The following KIFC3 variants were observed in gnomAD, a reference collection of about 807,000 sequenced individuals.
KIFC3 encodes kinesin-like protein KIFC3.
In KIFC3, 60 loss-of-function variants were observed where a neutral mutation model predicts 101.8. The ratio of observed to expected loss-of-function variants is 0.59; its 90% confidence interval spans 0.48 to 0.73. The LOEUF (loss-of-function observed/expected upper bound fraction) is 0.73, where lower values mean the gene tolerates loss of function less well. Ranked by LOEUF, KIFC3 falls within the 30% of genes least tolerant of loss-of-function variation. The pLI, the probability that KIFC3 is intolerant of heterozygous loss-of-function variation, is 0.00. For synonymous variants in KIFC3, 476 were observed against 482.7 expected (o/e 0.99, Z 0.18); for missense variants, 966 against 1,137.1 (o/e 0.85, Z 2.16).
chr16:57,810,144 G>C (rs1353606001), intron 1 of KIFC3, among the ~76,000 whole-genome samples: 1 of 152,072 alleles, frequency 6.6e-6, no homozygotes, highest in East Asian at 1.9e-4. Context: ...CTCACACCCT[G>C]GCACTTCACT....
Position 57,798,055 on chromosome 16 carries a change from TA to T in KIFC3, c.172+16del. ...AAGGAAGGGAAATAAAGAGGCATTT[TA>T]AAAATGCGGACTCACCAGTTCTCAA... On this transcript the variant is annotated intron_variant, in intron 2 of 19. Transcript: ENST00000445690. 1 of 1,587,038 alleles carries T rather than the reference TA, an allele frequency of 6.3e-7. No homozygotes were observed.
chr16:57,764,299 G>A lies in KIFC3; in HGVS notation c.1513-52C>T. 2.6e-6 allele frequency: 3 copies of A among 1,151,846 alleles called. No individual in the cohort carries two copies. In the South Asian group the frequency reaches 4.0e-5, roughly 15 times the overall value. The allele number at this position is 1,151,846 out of a possible 1,614,324, so 71.4% of individuals were successfully genotyped here. A position where few individuals can be genotyped will look rare whatever the true frequency, so the allele number is the denominator to read the frequency against. ...GTGGGGGGGCTTCCAGGGCCGCTGG[G>A]ACCACCAGCTACAAGTCCAGCCACC... is the stretch of plus-strand genomic sequence containing the variant. On this transcript the variant is annotated intron_variant, in intron 11 of 19. Coordinates refer to ENST00000445690, the MANE Select transcript of KIFC3 (RefSeq NM_001130100.2).
rs374052939 is a variant in KIFC3 at position 57,760,852 on chromosome 16, C to T, written c.2106G>A (p.Ser702=). The part of the protein sequence containing the change: ...REAQHINKSL[S]ALGDVIAALR... ...GGGCAGCAATGACGTCCCCCAGAGC[C>T]GACAGCGACTTGTTGATGTGCTGCG... is the stretch of plus-strand genomic sequence containing the variant. The change falls in exon 16 of 20, where the codon TCG becomes TCA. Residue 702 remains serine (S), a synonymous_variant. Transcript: ENST00000445690. The T allele has an allele frequency of 5.2e-5, 84 of 1,613,056 alleles. No homozygotes were observed. In the African/African-American group the frequency reaches 9.9e-4, roughly 19 times the overall value.
At chr16:57,767,612 C>T (rs1055808052) in intron 9 of KIFC3, among the ~76,000 whole-genome samples, 13 of 152,116 alleles carry the variant, frequency 8.5e-5, no homozygotes, top group African/African-American at 3.1e-4. Flanking sequence ...TAGTGTTTGC[C>T]TATAACCTAC....
Position 57,764,164 on chromosome 16 carries a change from G to T in KIFC3, c.1596C>A (p.Ala532=). The T allele has an allele frequency of 1.2e-6, 2 of 1,612,778 alleles. No individual in the cohort carries two copies. Among genetic ancestry groups the T allele is most frequent in the Non-Finnish European group, 1.7e-6 (2 of 1,179,816 alleles). The stretch of plus-strand genomic sequence containing the variant: ...CCACCTCCATCGTGTACGTCTTGCC[G>T]GCGCCCGTCTGGCCGTACGCAAAGA... The part of the protein sequence containing the change: ...VCIFAYGQTG[A]GKTYTMEGTA... The change falls in exon 12 of 20, where the codon GCC becomes GCA. Residue 532 remains alanine, a synonymous_variant. Transcript: ENST00000445690.
At chr16:57,823,517 A>G (rs1435416724) in intron 1 of KIFC3, among the ~76,000 whole-genome samples, 1 of 152,232 alleles carries the variant, frequency 6.6e-6, no homozygotes, top group Non-Finnish European at 1.5e-5. Context: ...GTTCACAGTT[A>G]TAAAAGAGAA....
intron 1 of KIFC3, among the ~76,000 whole-genome samples, chr16:57,837,559 A>AGGAAGAAAGAAAGAAAGAAAG (rs1567332573): frequency 6.7e-6 from 1 of 148,848 alleles, no homozygotes; most frequent in African/African-American, 2.6e-5. Context: ...GGAAGGAAGA[A>AGGAAGAAAGAAAGAAAGAAAG]AGAAAGAAAG....
intron 1 of KIFC3, among the ~76,000 whole-genome samples, chr16:57,847,539 G>C (rs1285235892): frequency 6.6e-6 from 1 of 152,116 alleles, no homozygotes; most frequent in Non-Finnish European, 1.5e-5. Context: ...GTGTTCCATG[G>C]ATAGAAAAAG....
intron 1 of KIFC3, among the ~76,000 whole-genome samples, chr16:57,822,522 C>T (rs1320253438): frequency 2.0e-5 from 3 of 152,002 alleles, no homozygotes; most frequent in African/African-American, 7.3e-5. Flanking sequence ...CATGGTGAAA[C>T]CCCGTCCCTA....
intron 1 of KIFC3, among the ~76,000 whole-genome samples, chr16:57,843,794 C>T (rs1450769561): frequency 2.6e-5 from 4 of 152,122 alleles, no homozygotes; most frequent in African/African-American, 9.7e-5. Flanking sequence ...AGGAAAACAT[C>T]TATACTCCAC....
chr16:57,824,803 G>A (rs1596797159), intron 1 of KIFC3, among the ~76,000 whole-genome samples: 1 of 152,174 alleles, frequency 6.6e-6, no homozygotes, highest in African/African-American at 2.4e-5. Context: ...TGCACCCCCG[G>A]TACCTTTTTC....
intron 1 of KIFC3, among the ~76,000 whole-genome samples, chr16:57,801,224 C>T (rs1305130749): frequency 6.6e-6 from 1 of 152,200 alleles, no homozygotes; most frequent in Non-Finnish European, 1.5e-5. Context: ...AGATCAGGGA[C>T]ATTGCAAAGA....
At chr16:57,828,175 C>A (rs567981587) in intron 1 of KIFC3, among the ~76,000 whole-genome samples, 4 of 152,334 alleles carry the variant, frequency 2.6e-5, no homozygotes, top group Admixed American at 1.3e-4. Flanking sequence ...CTCCTCCTCT[C>A]CTTCCTCATC....
chr16:57,802,243 C>T lies in KIFC3; in HGVS notation c.-40+127G>A. 1 of 389,538 alleles carries T rather than the reference C, an allele frequency of 2.6e-6. No individual in the cohort carries two copies. Among genetic ancestry groups the T allele is most frequent in the Non-Finnish European group, 3.5e-6 (1 of 284,900 alleles). The allele number at this position is 389,538 out of a possible 1,614,324, so 24.1% of individuals were successfully genotyped here. On this transcript the variant is annotated intron_variant, in intron 1 of 19. Transcript: ENST00000445690. This position sits in a 1 kb window ranked among gnomAD's most constrained non-coding sequence, Gnocchi z 5.0. ...GGTCTCCCGGGCCTTTCCCTCCCCG[C>T]GCCCATAGCGGGTCCGGGCAGAGGG...
At chr16:57,775,676 G>C (rs190217261) in intron 3 of KIFC3, 11 of 985,468 alleles carry the variant, frequency 1.1e-5, no homozygotes, top group Non-Finnish European at 1.3e-5. Flanking sequence ...AAGCCCAACA[G>C]GGGAGGGTCC....
At chr16:57,842,052 C>T (rs1451355885) in intron 1 of KIFC3, among the ~76,000 whole-genome samples, 1 of 152,108 alleles carries the variant, frequency 6.6e-6, no homozygotes, top group Non-Finnish European at 1.5e-5. Context: ...CTTCCTTAGC[C>T]AGGCATGGTG....
intron 11 of KIFC3, 23 bp from the exon 12 acceptor site, chr16:57,764,270 G>T: frequency 2.2e-6 from 3 of 1,341,560 alleles, no homozygotes; most frequent in Non-Finnish European, 3.1e-6. Flanking sequence ...TGGGAGGGAG[G>T]CTGGTGGGGG....
chr16:57,852,544 C>T (rs527407283), intron 1 of KIFC3, among the ~76,000 whole-genome samples: 2 of 152,196 alleles, frequency 1.3e-5, no homozygotes, highest in Non-Finnish European at 2.9e-5. Context: ...TCCTTAACAC[C>T]TTTCGTCTAC....
In KIFC3 at chr16:57,761,473, C is replaced by A; in HGVS notation, c.1812G>T (p.Gly604=). The A allele has an allele frequency of 6.2e-7, 1 of 1,613,962 alleles. No homozygotes were observed. The highest frequency in any genetic ancestry group is 1.1e-5 in the South Asian group (1 of 91,082). Residue 604 remains glycine (G), a synonymous_variant, in exon 14 of 20, where the codon GGG becomes GGT. Coordinates refer to ENST00000445690, the MANE Select transcript of KIFC3 (RefSeq NM_001130100.2). ...CAGTCAGCCCTGGTACATACAGCTG[C>A]CCACTGCCGTCTGGGCACAGCCGGA... ...LEIRLCPDGS[G]QLYVPGLTEF...
Sources: allele counts gnomAD v4.1 joint callset (sites outside exome capture counted in the v4.1 genomes callset), GRCh38; gene constraint gnomAD v4.1.1; non-coding constraint Gnocchi (gnomAD v3.1); transcripts MANE v1.5; gene names NCBI Gene and HGNC (gene_info 2026-07-23, HGNC 2026-07-21).